The following SCUBE3 variants were observed in gnomAD, a reference collection of about 807,000 sequenced individuals.
SCUBE3 encodes signal peptide, CUB domain and EGF like domain containing 3, also known as signal peptide, CUB and EGF-like domain-containing protein 3.
A neutral mutation model predicts 116.8 loss-of-function variants in SCUBE3; 33 were observed. The ratio of observed to expected loss-of-function variants is 0.28; its 90% CI spans 0.21 to 0.38. SCUBE3 has a LOEUF of 0.38. SCUBE3 is among the 10% of genes least tolerant of loss of function. The pLI is 1.00. For synonymous variants in SCUBE3, 418 were observed against 496.9 expected (o/e 0.84, Z 2.11); for missense variants, 1,007 against 1,324.8 (o/e 0.76, Z 3.72).
Position 35,228,226 on chromosome 6 carries a change from A to C in SCUBE3, c.209-388A>C, listed in dbSNP as rs548934696. Reference sequence around the variant, plus strand: ...ATTATAAATTGAAAAGTAATTTTGTAATACCTACCAGGAATCTTAAAAGGT... The same window carrying C: ...ATTATAAATTGAAAAGTAATTTTGTCATACCTACCAGGAATCTTAAAAGGT... On this transcript the variant is annotated intron_variant, in intron 2 of 21. Transcript: ENST00000274938. The surrounding 1 kb of genome is among the most constrained non-coding windows in gnomAD (Gnocchi z 4.9). Among the ~76,000 whole-genome samples, 144 of 152,350 alleles carry C rather than the reference A, an allele frequency of 9.5e-4. No individual in the cohort carries two copies. The highest frequency in any genetic ancestry group is 3.2e-3 in the African/African-American group (132 of 41,584).
chr6:35,244,076 G>T lies in SCUBE3; in HGVS notation c.2185G>T (p.Gly729Cys), dbSNP rs757563812. 2 of 1,613,914 alleles carry T rather than the reference G, an allele frequency of 1.2e-6. No individual in the cohort carries two copies. Among genetic ancestry groups the T allele is most frequent in the Non-Finnish European group, 1.7e-6 (2 of 1,179,988 alleles). Residue 729 changes from glycine to cysteine, a missense_variant, in exon 17 of 22, where the codon GGC becomes TGC. Transcript: ENST00000274938. This position sits in a 1 kb window ranked among gnomAD's most constrained non-coding sequence, Gnocchi z 4.3. ...GACCCTATGCTTCCCTTGTGGTGGGGGCCTCACCACCAAGCATGAAGGGGC... is the reference window on the plus strand; with the variant it reads ...GACCCTATGCTTCCCTTGTGGTGGGTGCCTCACCACCAAGCATGAAGGGGC... ...GRTLCFPCGG[G>C]LTTKHEGAIS...
In SCUBE3 at chr6:35,235,754, T is replaced by C. The variant is rs1783743492; in HGVS notation, c.713-2148T>C. Among the ~76,000 whole-genome samples the C allele has an allele frequency of 6.6e-6, 1 of 152,090 alleles. No individual in the cohort carries two copies. The highest frequency in any genetic ancestry group is 2.4e-5 in the African/African-American group (1 of 41,400). Reference sequence around the variant, plus strand: ...CTTCTGCCCTTCCTCTTCTGCTGTCTCCTCCCACACCCACCTTCTAACACC... The same window carrying C: ...CTTCTGCCCTTCCTCTTCTGCTGTCCCCTCCCACACCCACCTTCTAACACC... On this transcript the variant is annotated intron_variant, in intron 6 of 21. Transcript: ENST00000274938. This position sits in a 1 kb window ranked among gnomAD's most constrained non-coding sequence, Gnocchi z 4.5.
In SCUBE3 at chr6:35,244,804, A is replaced by G. The variant is rs754605924; in HGVS notation, c.2394A>G (p.Gln798=). 7.4e-6 allele frequency: 12 copies of G among 1,614,074 alleles called. No individual in the cohort carries two copies. The highest frequency in any genetic ancestry group is 2.7e-5 in the African/African-American group (2 of 74,944). Residue 798 remains glutamine (Q), a synonymous_variant, in exon 18 of 22, where the codon CAA becomes CAG. Transcript: ENST00000274938. This position sits in a 1 kb window ranked among gnomAD's most constrained non-coding sequence, Gnocchi z 4.3. ...TDFDGSTSVA[Q]CKNRQCGGEL... is the part of the protein sequence containing the mutation. ...TTGATGGCTCTACCAGTGTGGCCCA[A>G]TGCAAGAGTACGTGGCAAGCCAGGC...
At position 35,241,997 on chromosome 6, in the gene SCUBE3, C is replaced by T; in HGVS notation, c.1417+87C>T. 1 of 1,024,272 alleles carries T rather than the reference C, an allele frequency of 9.8e-7. No individual in the cohort carries two copies. Among genetic ancestry groups the T allele is most frequent in the Admixed American group, 1.7e-5 (1 of 58,108 alleles). 63.4% of individuals were successfully genotyped at this position (1,024,272 alleles called of 1,614,324 possible). On this transcript the variant is annotated intron_variant, in intron 12 of 21. Coordinates refer to ENST00000274938, the MANE Select transcript of SCUBE3 (RefSeq NM_152753.4). The surrounding 1 kb of genome is among the most constrained non-coding windows in gnomAD (Gnocchi z 4.1). Reference sequence around the variant, plus strand: ...GTTCTTCATCAATCCCCTGGCCTTCCTTTCTCCTGGATCCTCTTTTTTGCC... The same window carrying T: ...GTTCTTCATCAATCCCCTGGCCTTCTTTTCTCCTGGATCCTCTTTTTTGCC...
At position 35,245,221 on chromosome 6, in the gene SCUBE3, G is replaced by A. The variant is rs759192387; in HGVS notation, c.2402-7G>A. On this transcript the variant is annotated splice_polypyrimidine_tract_variant and splice_region_variant and intron_variant, in intron 18 of 21. Transcript: ENST00000274938. The surrounding 1 kb of genome is among the most constrained non-coding windows in gnomAD (Gnocchi z 4.2). ...GTCTTGTTTTATCCACTGGGGTTTG[G>A]CTGCAGATCGTCAGTGTGGTGGGGA... is the stretch of plus-strand genomic sequence containing the variant. 41 of 1,613,924 alleles carry A rather than the reference G, an allele frequency of 2.5e-5. No homozygotes were observed. Among genetic ancestry groups the A allele is most frequent in the Middle Eastern group, 3.3e-4 (2 of 6,084 alleles).
In SCUBE3 at chr6:35,240,335, C is replaced by G; in HGVS notation, c.953-39C>G. On this transcript the variant is annotated intron_variant, in intron 8 of 21. Transcript: ENST00000274938. The surrounding 1 kb of genome is among the most constrained non-coding windows in gnomAD (Gnocchi z 4.6). ...TTCACCTGAGCAAGGGTCAAGTGCT[C>G]CAAGACAGATTCAGTGGCTTGAATC... The G allele has an allele frequency of 7.4e-7, 1 of 1,352,702 alleles. No individual in the cohort carries two copies. Among genetic ancestry groups the G allele is most frequent in the Non-Finnish European group, 1.0e-6 (1 of 961,696 alleles). 83.8% of individuals were successfully genotyped at this position (1,352,702 alleles called of 1,614,324 possible).
intron 21 of SCUBE3, among the ~76,000 whole-genome samples, chr6:35,246,683 A>G (rs1011384355): frequency 1.3e-5 from 2 of 152,248 alleles, no homozygotes; most frequent in African/African-American, 4.8e-5. Flanking sequence ...CTCATTAAGC[A>G]GCAGCAGATA....
In SCUBE3 at chr6:35,231,056, C is replaced by T. The variant is rs139003145; in HGVS notation, c.335-669C>T. Among the ~76,000 whole-genome samples the T allele has an allele frequency of 4.3e-3, 654 of 152,080 alleles. 1 individual carries two copies. Among genetic ancestry groups the T allele is most frequent in the Middle Eastern group, 6.8e-3 (2 of 292 alleles). ...ATCTAGGGTGTGGCCTGGCAGCTCT[C>T]CCCAGATCCCTCCCCGCCAAGTTGT... On this transcript the variant is annotated intron_variant, in intron 3 of 21. Coordinates refer to ENST00000274938, the MANE Select transcript of SCUBE3 (RefSeq NM_152753.4). This position sits in a 1 kb window ranked among gnomAD's most constrained non-coding sequence, Gnocchi z 4.2.
rs889999673 is a variant in SCUBE3, at chr6:35,214,099, A to T, written c.-320A>T. Among the ~76,000 whole-genome samples, 2 of 152,128 alleles carry T rather than the reference A, an allele frequency of 1.3e-5. No individual in the cohort carries two copies. The highest frequency in any genetic ancestry group is 4.8e-5 in the African/African-American group (2 of 41,438). On this transcript the variant is annotated 5_prime_UTR_variant, in exon 1 of 22. Transcript: ENST00000274938. The surrounding 1 kb of genome is among the most constrained non-coding windows in gnomAD (Gnocchi z 6.3). ...GAAGCTGGGAATTGGGTGGGATTAC[A>T]CGGAGCAGCCCCGCCGCCGCCGCTG... is the stretch of plus-strand genomic sequence containing the variant.
intron 13 of SCUBE3, 93 bp downstream of exon 13, chr6:35,242,413 C>G (rs1784112844): frequency 9.6e-7 from 1 of 1,036,968 alleles, no homozygotes; most frequent in African/African-American, 1.6e-5. Flanking sequence ...CACCAGAACC[C>G]TGAACTCTAG....
At chr6:35,221,438 A>C (rs2150285202) in intron 1 of SCUBE3, 1 of 152,366 alleles carries the variant, frequency 6.6e-6, no homozygotes, top group East Asian at 1.9e-4. Context: ...TAAAGAAGTG[A>C]GATTTTTCTC....
chr6:35,231,695 A>T lies in SCUBE3; in HGVS notation c.335-30A>T, dbSNP rs766306841. ...ATACCCTGGACCCTGCCTGTACCCC[A>T]TGACCCCACTGACTACCTATCCTGC... On this transcript the variant is annotated intron_variant, in intron 3 of 21. Coordinates refer to ENST00000274938, the MANE Select transcript of SCUBE3 (RefSeq NM_152753.4). The surrounding 1 kb of genome is among the most constrained non-coding windows in gnomAD (Gnocchi z 4.2). 1 of 1,584,418 alleles carries T rather than the reference A, an allele frequency of 6.3e-7. No individual in the cohort carries two copies. Among genetic ancestry groups the T allele is most frequent in the Non-Finnish European group, 8.6e-7 (1 of 1,157,970 alleles).
At position 35,231,369 on chromosome 6, in the gene SCUBE3, C is replaced by A. The variant is rs146360925; in HGVS notation, c.335-356C>A. On this transcript the variant is annotated intron_variant, in intron 3 of 21. Transcript: ENST00000274938. The surrounding 1 kb of genome is among the most constrained non-coding windows in gnomAD (Gnocchi z 4.2). ...CAGTTACCTATCCGACCAATGTGAC[C>A]AATCTCCATCCTTACCTTCATCACT... 9.2e-5 allele frequency among the ~76,000 whole-genome samples: 14 copies of A among 152,310 alleles called. No individual in the cohort carries two copies. The highest frequency in any genetic ancestry group is 2.1e-4 in the South Asian group (1 of 4,820).
chr6:35,242,375 C>G (rs1023767806), intron 13 of SCUBE3, 55 bp downstream of exon 13: 4 of 1,245,400 alleles, frequency 3.2e-6, no homozygotes, highest in Non-Finnish European at 3.5e-6. Flanking sequence ...ATCCTCCTTA[C>G]CCCTCAGCTC....
chr6:35,238,036 A>G lies in SCUBE3; in HGVS notation c.829+18A>G. On this transcript the variant is annotated intron_variant, in intron 7 of 21. Transcript: ENST00000274938. ...GTGCAAAGGTAAGGACTTTGAGAGGACAGAAGCAGAGTGACCTTTGGTAAG... is the reference window on the plus strand; with the variant it reads ...GTGCAAAGGTAAGGACTTTGAGAGGGCAGAAGCAGAGTGACCTTTGGTAAG... The G allele has an allele frequency of 6.8e-7, 1 of 1,470,332 alleles. No homozygotes were observed. The highest frequency in any genetic ancestry group is 9.5e-7 in the Non-Finnish European group (1 of 1,052,292). 91.1% of individuals were successfully genotyped at this position (1,470,332 alleles called of 1,614,324 possible).
intron 1 of SCUBE3, among the ~76,000 whole-genome samples, chr6:35,225,170 A>G (rs1783278413): frequency 6.6e-6 from 1 of 152,212 alleles, no homozygotes; most frequent in South Asian, 2.1e-4. Context: ...ATACTTTATT[A>G]GCCAATTTAC....
At chr6:35,236,922 C>CT (rs974601955) in intron 6 of SCUBE3, among the ~76,000 whole-genome samples, 24 of 152,188 alleles carry the variant, frequency 1.6e-4, no homozygotes, top group Non-Finnish European at 3.4e-4. Flanking sequence ...TTGGACACAT[C>CT]TGACTTTCCC....
Position 35,228,579 on chromosome 6 carries a change from T to C in SCUBE3, c.209-35T>C. On this transcript the variant is annotated intron_variant, in intron 2 of 21. Transcript: ENST00000274938. The surrounding 1 kb of genome is among the most constrained non-coding windows in gnomAD (Gnocchi z 4.9). ...TGGGGGTGGACAGTGGGTTCGCAGG[T>C]GGGTTCAGCTGTCTCAGCTTCCCTT... 3 of 1,609,690 alleles carry C rather than the reference T, an allele frequency of 1.9e-6. No individual in the cohort carries two copies. Among genetic ancestry groups the C allele is most frequent in the Non-Finnish European group, 2.5e-6 (3 of 1,177,240 alleles).
At chr6:35,218,013 G>A (rs1310368564) in intron 1 of SCUBE3, 1 of 328,906 alleles carries the variant, frequency 3.0e-6, no homozygotes, top group African/African-American at 2.2e-5. Context: ...AGTCTCTGCA[G>A]GGTGGAATAA....
Sources: allele counts gnomAD v4.1 joint callset (sites outside exome capture counted in the v4.1 genomes callset), GRCh38; gene constraint gnomAD v4.1.1; non-coding constraint Gnocchi (gnomAD v3.1); transcripts MANE v1.5; gene names NCBI Gene and HGNC (gene_info 2026-07-23, HGNC 2026-07-21).